Variants in TOP6BL observed in about 807,000 individuals in gnomAD.
TOP6BL encodes the protein TOP6B like initiator of meiotic double strand breaks.
At chr11:66,767,260 C>G in the TOP6BL span, among the ~76,000 whole-genome samples, 1 of 152,154 alleles carries the variant, frequency 6.6e-6, no homozygotes. Context: ...GAATACTTAT[C>G]TACTTAGGTA....
the TOP6BL span, among the ~76,000 whole-genome samples, chr11:66,831,508 A>C: frequency 6.6e-6 from 1 of 152,242 alleles, no homozygotes; most frequent in Non-Finnish European, 1.5e-5. Flanking sequence ...AAAGGAGTAC[A>C]TACTGTTTGA....
chr11:66,777,866 C>T, the TOP6BL span, among the ~76,000 whole-genome samples: 10 of 152,084 alleles, frequency 6.6e-5, no homozygotes, highest in African/African-American at 2.4e-4. Context: ...AGCAAGACTC[C>T]ATCCCCCCAA....
chr11:66,801,233 C>A, the TOP6BL span: 2 of 941,182 alleles, frequency 2.1e-6, no homozygotes, highest in Non-Finnish European at 3.2e-6. Flanking sequence ...ATAAGAAAAG[C>A]AGAAGTAAAA....
At chr11:66,839,624 T>C in the TOP6BL span, among the ~76,000 whole-genome samples, 2 of 152,214 alleles carry the variant, frequency 1.3e-5, no homozygotes, top group African/African-American at 4.8e-5. Context: ...GTTTTAAATG[T>C]TGTGGGGGCT....
the TOP6BL span, among the ~76,000 whole-genome samples, chr11:66,783,582 A>C: frequency 1.3e-5 from 2 of 152,050 alleles, no homozygotes; most frequent in African/African-American, 4.8e-5. Context: ...TGATGTGTTA[A>C]CTATGTGGCT....
At chr11:66,774,275 TACTA>T in the TOP6BL span, among the ~76,000 whole-genome samples, 1 of 152,220 alleles carries the variant, frequency 6.6e-6, no homozygotes, top group Non-Finnish European at 1.5e-5. Flanking sequence ...TTCTGTCATA[TACTA>T]AGATTCTATA....
At chr11:66,799,228 A>G in the TOP6BL span, among the ~76,000 whole-genome samples, 1 of 149,692 alleles carries the variant, frequency 6.7e-6, no homozygotes, top group South Asian at 2.1e-4. Flanking sequence ...AAAAAAAAAA[A>G]TACAAATATT....
chr11:66,788,665 T>G, the TOP6BL span, among the ~76,000 whole-genome samples: 1 of 152,248 alleles, frequency 6.6e-6, no homozygotes, highest in Admixed American at 6.5e-5. Context: ...TACTGCCTTG[T>G]CACTGTGTCC....
chr11:66,788,061 A>C, the TOP6BL span: 10 of 766,232 alleles, frequency 1.3e-5, no homozygotes, highest in Admixed American at 1.4e-4. Flanking sequence ...TTCATCAGGG[A>C]AAAGCCTTCT....
chr11:66,765,365 A>G, the TOP6BL span, among the ~76,000 whole-genome samples: 11 of 152,252 alleles, frequency 7.2e-5, no homozygotes, highest in South Asian at 1.7e-3. Context: ...TCGTACAAAG[A>G]GGAAGTACTG....
At chr11:66,764,657 T>TC in the TOP6BL span, among the ~76,000 whole-genome samples, 1 of 134,842 alleles carries the variant, frequency 7.4e-6, no homozygotes, top group Non-Finnish European at 1.6e-5. Context: ...AATGCGAGAC[T>TC]CCATCTCCAA....
the TOP6BL span, among the ~76,000 whole-genome samples, chr11:66,750,668 T>C: frequency 1.2e-3 from 187 of 152,066 alleles, 1 homozygote; most frequent in Non-Finnish European, 2.0e-3. Context: ...TTAATATTTA[T>C]CTTTGATCTA....
chr11:66,805,270 G>T, the TOP6BL span, among the ~76,000 whole-genome samples: 11 of 151,960 alleles, frequency 7.2e-5, no homozygotes, highest in Admixed American at 7.2e-4. Context: ...AATAATGAGT[G>T]CTTGAATCTA....
chr11:66,745,375 G>A, the TOP6BL span, among the ~76,000 whole-genome samples: 1 of 152,138 alleles, frequency 6.6e-6, no homozygotes, highest in Non-Finnish European at 1.5e-5. Flanking sequence ...TGGGAGCGAG[G>A]GAGAGTTTTT....
At chr11:66,756,399 C>A in the TOP6BL span, 1 of 1,145,826 alleles carries the variant, frequency 8.7e-7, no homozygotes, top group Admixed American at 3.2e-5. Flanking sequence ...GTGGCGCAGT[C>A]TCGGCTCACT....
the TOP6BL span, chr11:66,816,107 C>G: frequency 6.2e-7 from 1 of 1,605,346 alleles, no homozygotes; most frequent in Non-Finnish European, 8.5e-7. Flanking sequence ...GAGGATCAGT[C>G]TCAGACTATG....
the TOP6BL span, among the ~76,000 whole-genome samples, chr11:66,757,951 T>C: frequency 2.3e-4 from 35 of 152,344 alleles, no homozygotes; most frequent in South Asian, 6.2e-4. Context: ...CTGGCTGCTG[T>C]ACTGAACAGC....
chr11:66,752,102 C>G, the TOP6BL span, among the ~76,000 whole-genome samples: 1 of 149,976 alleles, frequency 6.7e-6, no homozygotes, highest in East Asian at 2.0e-4. Flanking sequence ...TGTAGTTTTT[C>G]TCTTGCATTG....
At chr11:66,838,508 C>A in the TOP6BL span, 1 of 1,417,944 alleles carries the variant, frequency 7.1e-7, no homozygotes, top group South Asian at 1.2e-5. Flanking sequence ...AACGTGAGTT[C>A]AAACTTTCAA....
Sources: gnomAD v4.1 joint callset for allele counts (sites outside exome capture counted in the v4.1 genomes callset) on GRCh38, gnomAD v4.1.1 for gene constraint, MANE v1.5 for transcripts, NCBI Gene and HGNC (gene_info 2026-07-23, HGNC 2026-07-21) for gene names.